RABGAP1L: variants seen among roughly 807,000 people sequenced by gnomAD.
RABGAP1L encodes the protein rab GTPase-activating protein 1-like.
Under a neutral mutation model 137.7 loss-of-function variants are expected in RABGAP1L, and 63 were observed. The ratio of observed to expected loss-of-function variants is 0.46; its 90% confidence interval spans 0.37 to 0.56. The LOEUF (loss-of-function observed/expected upper bound fraction) is 0.56, where lower values mean the gene tolerates loss of function less well. Ranked by LOEUF, RABGAP1L falls within the 20% of genes least tolerant of loss-of-function variation. The pLI is 0.00. For missense variants in RABGAP1L, 1,095 were observed against 1,244.0 expected (o/e 0.88, Z 1.80); for synonymous variants, 431 against 433.7 (o/e 0.99, Z 0.08).
At chr1:174,838,750 T>C (rs1693019179) in intron 19 of RABGAP1L, among the ~76,000 whole-genome samples, 1 of 151,050 alleles carries the variant, frequency 6.6e-6, no homozygotes, top group African/African-American at 2.4e-5. Flanking sequence ...ACCCCGTCTC[T>C]ACTAAAAATA....
chr1:174,370,970 C>T lies in RABGAP1L; in HGVS notation c.1466-9C>T. ...ATAATGTTTGTTGGTTTTTGCGTTT[C>T]TTCTGCAGAGAGTGATAATGAACTC... On this transcript the variant is annotated splice_polypyrimidine_tract_variant and intron_variant, in intron 11 of 25. Coordinates refer to ENST00000681986, the MANE Select transcript of RABGAP1L (RefSeq NM_001366446.1). 1 of 1,440,846 alleles carries T rather than the reference C, an allele frequency of 6.9e-7. No individual in the cohort carries two copies. The highest frequency in any genetic ancestry group is 9.4e-7 in the Non-Finnish European group (1 of 1,065,438). 89.3% of individuals were successfully genotyped at this position (1,440,846 alleles called of 1,614,324 possible).
chr1:174,745,940 G>C (rs142260775), intron 17 of RABGAP1L, among the ~76,000 whole-genome samples: 12 of 152,302 alleles, frequency 7.9e-5, no homozygotes, highest in African/African-American at 2.6e-4. Flanking sequence ...TTATTGACTT[G>C]TTGTTAGGAT....
intron 11 of RABGAP1L, among the ~76,000 whole-genome samples, chr1:174,325,686 C>G (rs1422084494): frequency 6.6e-6 from 1 of 152,202 alleles, no homozygotes; most frequent in African/African-American, 2.4e-5. Context: ...ACAGGAGGCT[C>G]ACTTCTGCAC....
rs1418032616 is a variant in RABGAP1L at position 174,993,840 on chromosome 1, G to T, written c.*3839G>T. ...GCCCTTAAAAACACTCCAAAATACT[G>T]ACTCCTTTTCTCCAATTACAAATGA... On this transcript the variant is annotated 3_prime_UTR_variant, in exon 26 of 26. Coordinates refer to ENST00000681986, the MANE Select transcript of RABGAP1L (RefSeq NM_001366446.1). 6.6e-6 allele frequency: 1 copy of T among 152,186 alleles called. No individual in the cohort carries two copies. The highest frequency in any genetic ancestry group is 1.5e-5 in the Non-Finnish European group (1 of 68,036). The allele number at this position is 152,186 out of a possible 1,614,324, so 9.4% of individuals were successfully genotyped here.
chr1:174,525,733 C>T (rs144399107), intron 13 of RABGAP1L, among the ~76,000 whole-genome samples: 1 of 151,992 alleles, frequency 6.6e-6, no homozygotes, highest in South Asian at 2.1e-4. Context: ...GAAAGGCTTT[C>T]AACTTTTTTC....
chr1:174,278,190 G>A (rs1675167148), intron 9 of RABGAP1L, among the ~76,000 whole-genome samples: 1 of 152,126 alleles, frequency 6.6e-6, no homozygotes, highest in Non-Finnish European at 1.5e-5. Flanking sequence ...ATCACCAGAG[G>A]TCAGGAGTTT....
intron 17 of RABGAP1L, among the ~76,000 whole-genome samples, chr1:174,711,147 A>G (rs1207352498): frequency 6.6e-6 from 1 of 151,236 alleles, no homozygotes; most frequent in Non-Finnish European, 1.5e-5. Flanking sequence ...GGGCCTGCCG[A>G]GCCCACGCCC....
At chr1:174,681,828 C>T (rs1678086410) in intron 14 of RABGAP1L, among the ~76,000 whole-genome samples, 1 of 152,080 alleles carries the variant, frequency 6.6e-6, no homozygotes, top group South Asian at 2.1e-4. Flanking sequence ...TAAGCCTTGT[C>T]CTAGACAGAG....
At chr1:174,636,842 C>G (rs753412894) in intron 13 of RABGAP1L, among the ~76,000 whole-genome samples, 4 of 152,028 alleles carry the variant, frequency 2.6e-5, no homozygotes, top group Non-Finnish European at 4.4e-5. Context: ...AGGAATTTAT[C>G]CTTGAACACG....
At chr1:174,800,655 C>T (rs1179361820) in intron 18 of RABGAP1L, among the ~76,000 whole-genome samples, 1 of 152,172 alleles carries the variant, frequency 6.6e-6, no homozygotes, top group African/African-American at 2.4e-5. Flanking sequence ...TGTTGTGCAG[C>T]TCATTTGGAG....
intron 13 of RABGAP1L, among the ~76,000 whole-genome samples, chr1:174,462,681 C>G (rs1010679511): frequency 1.3e-5 from 2 of 152,022 alleles, no homozygotes; most frequent in Non-Finnish European, 2.9e-5. Context: ...ACCCTCATCC[C>G]CTTCCCTCCT....
intron 15 of RABGAP1L, among the ~76,000 whole-genome samples, chr1:174,688,468 TA>T (rs556885370): frequency 0.012 from 1,814 of 152,158 alleles, 38 homozygotes; most frequent in African/African-American, 0.042. Context: ...TGAATTTTTT[TA>T]AAAAAACTAT....
chr1:174,798,044 A>G (rs1291930380), intron 18 of RABGAP1L, among the ~76,000 whole-genome samples: 1 of 151,846 alleles, frequency 6.6e-6, no homozygotes, highest in Non-Finnish European at 1.5e-5. Flanking sequence ...GGAACTCCTG[A>G]GCTCAAAGGA....
At chr1:174,948,825 T>G (rs1017622597) in intron 19 of RABGAP1L, 1 of 152,110 alleles carries the variant, frequency 6.6e-6, no homozygotes, top group Non-Finnish European at 1.5e-5. Context: ...CTAGAAGAAG[T>G]CCTGTGTGGC....
chr1:174,230,871 T>G (rs933639588), intron 3 of RABGAP1L, among the ~76,000 whole-genome samples: 9 of 152,166 alleles, frequency 5.9e-5, no homozygotes, highest in African/African-American at 2.2e-4. Flanking sequence ...ATTTTTTCTC[T>G]CATCTGAAGA....
chr1:174,989,197 T>C (rs1386016544), intron 25 of RABGAP1L, among the ~76,000 whole-genome samples: 1 of 152,244 alleles, frequency 6.6e-6, no homozygotes, highest in East Asian at 1.9e-4. Flanking sequence ...GTGTCTACCC[T>C]GAGAGTCACA....
intron 19 of RABGAP1L, among the ~76,000 whole-genome samples, chr1:174,844,049 T>C (rs1317655523): frequency 6.6e-6 from 1 of 151,190 alleles, no homozygotes; most frequent in Admixed American, 6.6e-5. Flanking sequence ...TCTGTTCATG[T>C]CCTTCGCCCA....
chr1:174,602,894 G>T (rs1251951362), intron 13 of RABGAP1L, among the ~76,000 whole-genome samples: 1 of 152,068 alleles, frequency 6.6e-6, no homozygotes, highest in Admixed American at 6.6e-5. Context: ...TAGGTATTTT[G>T]AATTCTCTTG....
chr1:174,965,221 AAGCAGTGTCTCCTGT>A (rs747866749), intron 20 of RABGAP1L, among the ~76,000 whole-genome samples: 2 of 121,202 alleles, frequency 1.7e-5, no homozygotes, highest in Non-Finnish European at 3.8e-5. Flanking sequence ...AGAGTTATGT[AAGCAGTGTCTCCTGT>A]AATCTTTTCT....
Sources: gnomAD v4.1 joint callset for allele counts (sites outside exome capture counted in the v4.1 genomes callset) on GRCh38, gnomAD v4.1.1 for gene constraint, MANE v1.5 for transcripts, NCBI Gene and HGNC (gene_info 2026-07-23, HGNC 2026-07-21) for gene names.